Variants in CRACR2A observed in about 807,000 individuals in gnomAD.
CRACR2A encodes the protein EF-hand calcium-binding domain-containing protein 4B.
Under a neutral mutation model 90.5 loss-of-function variants are expected in CRACR2A, and 79 were observed. The observed-to-expected ratio is 0.87, with a 90% CI of 0.73 to 1.05. The LOEUF (loss-of-function observed/expected upper bound fraction) is 1.05. Ranked by LOEUF, CRACR2A falls within the 50% of genes least tolerant of loss-of-function variation. CRACR2A has a pLI of 0.00. For synonymous variants in CRACR2A, 338 were observed against 356.7 expected (o/e 0.95, Z 0.59); for missense variants, 823 against 897.2 (o/e 0.92, Z 1.06).
chr12:3,704,856 G>A (rs552773736), intron 3 of CRACR2A, among the ~76,000 whole-genome samples: 3 of 152,320 alleles, frequency 2.0e-5, no homozygotes, highest in East Asian at 1.9e-4. Context: ...GATCTAACAC[G>A]ACTTCAGCCT....
chr12:3,648,701 C>G, intron 10 of CRACR2A, 88 bp from the exon 11 acceptor site: 1 of 1,522,436 alleles, frequency 6.6e-7, no homozygotes, highest in Non-Finnish European at 8.9e-7. Flanking sequence ...CAGGTGATGC[C>G]GTGCTGGGGA....
rs551418560 is a variant in CRACR2A at position 3,661,147 on chromosome 12, A to C, written c.672-1493T>G. ...CTGTCCAAGGCTTTGCCACAGCCCAATTTCTGTCCCTTTCTCACCTGCCAC... is the reference window on the plus strand; with the variant it reads ...CTGTCCAAGGCTTTGCCACAGCCCACTTTCTGTCCCTTTCTCACCTGCCAC... On this transcript the variant is annotated intron_variant, in intron 7 of 19. Coordinates refer to ENST00000440314, the MANE Select transcript of CRACR2A (RefSeq NM_001144958.2). 2.6e-5 allele frequency among the ~76,000 whole-genome samples: 4 copies of C among 152,276 alleles called. No homozygotes were observed. The East Asian group carries it at 7.7e-4, about 29-fold the overall frequency.
At chr12:3,638,487 G>T in intron 13 of CRACR2A, 33 bp from the exon 14 acceptor site, 1 of 1,497,228 alleles carries the variant, frequency 6.7e-7, no homozygotes, top group Non-Finnish European at 8.9e-7. Context: ...AGAGTTGGGA[G>T]GATTTCACAA....
At chr12:3,627,358 C>T (rs1183659077) in intron 17 of CRACR2A, 78 bp downstream of exon 17, 2 of 1,033,056 alleles carry the variant, frequency 1.9e-6, no homozygotes, top group African/African-American at 3.2e-5. Flanking sequence ...AATGCAGAGG[C>T]CCACGTGGGA....
intron 6 of CRACR2A, among the ~76,000 whole-genome samples, chr12:3,676,666 G>C (rs1283559188): frequency 6.6e-6 from 1 of 152,168 alleles, no homozygotes; most frequent in Non-Finnish European, 1.5e-5. Context: ...AAATCTGCTG[G>C]CACCTTGATC....
chr12:3,732,081 T>A (rs1946367576), intron 2 of CRACR2A: 1 of 152,122 alleles, frequency 6.6e-6, no homozygotes. Context: ...CCAACTCGGG[T>A]GGCAAAAGTA....
intron 7 of CRACR2A, among the ~76,000 whole-genome samples, chr12:3,666,358 T>TGTGTGTGTGTGTGTGTGTGTGTGC (rs758896769): frequency 6.7e-6 from 1 of 148,444 alleles, no homozygotes; most frequent in African/African-American, 2.5e-5. Flanking sequence ...TGTGTGTGCG[T>TGTGTGTGTGTGTGTGTGTGTGTGC]GCGTGTGCGC....
intron 15 of CRACR2A, among the ~76,000 whole-genome samples, chr12:3,628,865 C>T (rs962803150): frequency 6.6e-6 from 1 of 152,070 alleles, no homozygotes; most frequent in African/African-American, 2.4e-5. Context: ...AACGGTCATC[C>T]CAGCCACTGC....
intron 7 of CRACR2A, among the ~76,000 whole-genome samples, chr12:3,660,829 AACAC>A (rs58293233): frequency 0.11 from 12,970 of 119,096 alleles, 774 homozygotes; most frequent in Admixed American, 0.16. Flanking sequence ...CTGAACATGC[AACAC>A]ACACACACAC....
intron 13 of CRACR2A, 134 bp downstream of exon 13, chr12:3,641,598 T>C (rs893829535): frequency 2.9e-6 from 2 of 693,356 alleles, no homozygotes; most frequent in Non-Finnish European, 4.9e-6. Context: ...TGTTCCAAGA[T>C]TTGAGGGGAG....
chr12:3,637,332 A>G (rs1346905754), intron 14 of CRACR2A, among the ~76,000 whole-genome samples: 2 of 152,260 alleles, frequency 1.3e-5, no homozygotes, highest in Non-Finnish European at 2.9e-5. Context: ...AGCTTGGCAT[A>G]CAGTCTAGCT....
chr12:3,651,395 G>T (rs1944792211), intron 10 of CRACR2A, among the ~76,000 whole-genome samples: 1 of 152,224 alleles, frequency 6.6e-6, no homozygotes, highest in African/African-American at 2.4e-5. Flanking sequence ...GCAGATCGGG[G>T]CTATGTGGGG....
chr12:3,691,342 A>G (rs1302216667), intron 4 of CRACR2A, among the ~76,000 whole-genome samples: 1 of 152,184 alleles, frequency 6.6e-6, no homozygotes, highest in Non-Finnish European at 1.5e-5. Context: ...GGTCAGTGGT[A>G]ACAAATTCCC....
chr12:3,741,779 C>T (rs1157758800), intron 1 of CRACR2A, among the ~76,000 whole-genome samples: 1 of 152,232 alleles, frequency 6.6e-6, no homozygotes, highest in East Asian at 1.9e-4. Context: ...TCGGCATTTG[C>T]ATTCAGAATG....
intron 12 of CRACR2A, among the ~76,000 whole-genome samples, chr12:3,643,809 A>AT (rs1944621890): frequency 9.4e-6 from 1 of 106,868 alleles, no homozygotes; most frequent in African/African-American, 3.5e-5. Flanking sequence ...TATATATTAT[A>AT]TATATATTTA....
intron 7 of CRACR2A, among the ~76,000 whole-genome samples, chr12:3,672,413 A>G (rs909173483): frequency 1.3e-5 from 2 of 152,162 alleles, no homozygotes; most frequent in African/African-American, 4.8e-5. Flanking sequence ...TGCATAGCCA[A>G]GGGATTGTTG....
At chr12:3,681,191 C>G (rs1240885480) in intron 4 of CRACR2A, among the ~76,000 whole-genome samples, 1 of 152,228 alleles carries the variant, frequency 6.6e-6, no homozygotes, top group Non-Finnish European at 1.5e-5. Context: ...AATCCCCCTT[C>G]CTACCTCTGA....
chr12:3,715,430 T>C (rs761732371), intron 2 of CRACR2A, among the ~76,000 whole-genome samples: 22 of 152,344 alleles, frequency 1.4e-4, no homozygotes, highest in Non-Finnish European at 2.6e-4. Context: ...AAAGGGTGTA[T>C]GTTTTGGATG....
At chr12:3,725,151 C>T (rs1397896183) in intron 2 of CRACR2A, among the ~76,000 whole-genome samples, 1 of 152,184 alleles carries the variant, frequency 6.6e-6, no homozygotes, top group Admixed American at 6.5e-5. Context: ...GGCTCTCCCA[C>T]ATCTCTTCCA....
Sources: allele counts gnomAD v4.1 joint callset (sites outside exome capture counted in the v4.1 genomes callset), GRCh38; gene constraint gnomAD v4.1.1; transcripts MANE v1.5; gene names NCBI Gene and HGNC (gene_info 2026-07-23, HGNC 2026-07-21).